ORMDL1: variants seen among roughly 807,000 people sequenced by gnomAD.
ORMDL1 encodes ORMDL sphingolipid biosynthesis regulator 1, also known as ORM1-like protein 1.
In ORMDL1, 10 loss-of-function variants were observed where a neutral mutation model predicts 13.0. That is an observed-to-expected ratio of 0.77 (90% CI 0.47 to 1.30). The LOEUF (loss-of-function observed/expected upper bound fraction) is 1.30, where lower values mean the gene tolerates loss of function less well. Ranked by LOEUF, ORMDL1 falls within the 50% of genes most tolerant of loss-of-function variation. The pLI is 0.00. For synonymous variants in ORMDL1, 61 were observed against 63.9 expected, an observed-to-expected ratio of 0.95 and a Z score of 0.22; for missense variants, 171 against 186.7, an observed-to-expected ratio of 0.92 and a Z score of 0.49.
chr2:189,771,953 T>C (rs775855574), intron 4 of ORMDL1, 51 bp from the exon 5 acceptor site: 14 of 1,338,042 alleles, frequency 1.0e-5, no homozygotes, highest in African/African-American at 4.6e-5. Context: ...ATAAAATTAC[T>C]TGGAACTTAA....
At chr2:189,765,839 ATTTT>A (rs72132150), downstream of ORMDL1, among the ~76,000 whole-genome samples, 1 of 106,748 alleles carries the variant, frequency 9.4e-6, no homozygotes, top group Non-Finnish European at 1.8e-5. Flanking sequence ...TACTTTCTCC[ATTTT>A]TTTTTTTTTT....
chr2:189,771,687 GA>G lies in ORMDL1; in HGVS notation c.*79del. 2 of 1,237,964 alleles carry G rather than the reference GA, an allele frequency of 1.6e-6. No homozygotes were observed. The highest frequency in any genetic ancestry group is 2.2e-6 in the Non-Finnish European group (2 of 903,098). 76.7% of individuals were successfully genotyped at this position (1,237,964 alleles called of 1,614,324 possible). A position where few individuals can be genotyped will look rare whatever the true frequency, so the allele number is the denominator to read the frequency against. ...ATACTTCTCATTTCACATTATCACA[GA>G]AACAGTGCAGTTTACTAACCACTCC... is the stretch of plus-strand genomic sequence containing the variant. On this transcript the variant is annotated 3_prime_UTR_variant, in exon 5 of 5. Coordinates refer to ENST00000392349, the MANE Select transcript of ORMDL1 (RefSeq NM_016467.5).
chr2:189,772,376 A>T (rs1186744289), intron 4 of ORMDL1, among the ~76,000 whole-genome samples: 2 of 152,334 alleles, frequency 1.3e-5, no homozygotes, highest in African/African-American at 4.8e-5. Context: ...GAAGGAAATA[A>T]ATATTTGGTT....
At position 189,782,614 on chromosome 2, in the gene ORMDL1, A is replaced by G; in HGVS notation, c.-7-12T>C. 4 of 1,609,410 alleles carry G rather than the reference A, an allele frequency of 2.5e-6. No individual in the cohort carries two copies. Among genetic ancestry groups the G allele is most frequent in the Non-Finnish European group, 3.4e-6 (4 of 1,176,358 alleles). Reference sequence around the variant, plus strand: ...CGTTCATGTTTGCTCTGTAGGAAGTAATGAAATGAATCAACACTGATACAA... The same window carrying G: ...CGTTCATGTTTGCTCTGTAGGAAGTGATGAAATGAATCAACACTGATACAA... On this transcript the variant is annotated splice_polypyrimidine_tract_variant and intron_variant, in intron 2 of 4. Transcript: ENST00000392349.
intron 4 of ORMDL1, chr2:189,775,277 T>C (rs1342385891): frequency 4.0e-6 from 1 of 248,750 alleles, no homozygotes; most frequent in Non-Finnish European, 7.6e-6. Flanking sequence ...TTTGTGTCCT[T>C]ATATGAAACC....
Position 189,782,460 on chromosome 2 carries a change from G to T in ORMDL1, c.136C>A (p.Pro46Thr). ...VLLSIPFFSV[P>T]VAWTLTNIIH... ...ATATTTGTTAAAGTCCAAGCAACAG[G>T]AACACTGAAGAAGGGAATGCTGAGT... is the stretch of plus-strand genomic sequence containing the variant. The change falls in exon 3 of 5, where the codon CCT (proline) becomes ACT (threonine). Residue 46 changes from proline (P) to threonine (T), a missense_variant. Transcript: ENST00000392349. 6.2e-7 allele frequency: 1 copy of T among 1,614,026 alleles called. No homozygotes were observed. Among genetic ancestry groups the T allele is most frequent in the East Asian group, 2.2e-5 (1 of 44,876 alleles).
intron 3 of ORMDL1, among the ~76,000 whole-genome samples, chr2:189,776,583 T>C (rs2047702209): frequency 6.6e-6 from 1 of 152,182 alleles, no homozygotes; most frequent in Non-Finnish European, 1.5e-5. Flanking sequence ...CAATGTGATG[T>C]CATTTTTCCT....
At chr2:189,777,935 C>G (rs1009333897) in intron 3 of ORMDL1, among the ~76,000 whole-genome samples, 1 of 152,128 alleles carries the variant, frequency 6.6e-6, no homozygotes, top group Admixed American at 6.6e-5. Context: ...TGGCTATATT[C>G]AAAGGAAACT....
chr2:189,769,636 C>T (rs2047538598), downstream of ORMDL1, among the ~76,000 whole-genome samples: 1 of 151,946 alleles, frequency 6.6e-6, no homozygotes, highest in Non-Finnish European at 1.5e-5. Context: ...AGCTGGAGGA[C>T]AATTTGAGCA....
chr2:189,781,193 G>A (rs796871425), intron 3 of ORMDL1, among the ~76,000 whole-genome samples: 7 of 152,118 alleles, frequency 4.6e-5, no homozygotes, highest in African/African-American at 1.4e-4. Flanking sequence ...AAAGCACTGG[G>A]ATTACAGGCA....
chr2:189,775,595 C>T lies in ORMDL1; in HGVS notation c.296G>A (p.Arg99Gln), dbSNP rs781542210. The change falls in exon 4 of 5, where the codon CGG becomes CAG. Residue 99 changes from arginine (R) to glutamine (Q), a missense_variant. Physicochemically the swap from Arg to Gln is conservative, Grantham distance 43. Transcript: ENST00000392349. ...TATTGGAGAAATTGTGAAAAACTTC[C>T]GTGAAGATGTAAACTGTACTCCATA... ...LDYGVQFTSS[R>Q]KFFTISPIIL... 61 of 1,605,914 alleles carry T rather than the reference C, an allele frequency of 3.8e-5. No homozygotes were observed. Among genetic ancestry groups the T allele is most frequent in the Admixed American group, 3.4e-5 (2 of 58,738 alleles).
At chr2:189,769,213 TC>T (rs1553546772), downstream of ORMDL1, among the ~76,000 whole-genome samples, 1 of 151,754 alleles carries the variant, frequency 6.6e-6, no homozygotes, top group Non-Finnish European at 1.5e-5. Context: ...CATGGTGAAA[TC>T]CCATCTCTAC....
the ORMDL1 span, chr2:189,764,858 G>A: frequency 6.6e-6 from 1 of 150,518 alleles, no homozygotes; most frequent in African/African-American, 2.4e-5. Flanking sequence ...TTTTTAGATG[G>A]AGTCTCACTC....
At chr2:189,773,286 A>T (rs1313213276) in intron 4 of ORMDL1, among the ~76,000 whole-genome samples, 1 of 152,196 alleles carries the variant, frequency 6.6e-6, no homozygotes, top group Non-Finnish European at 1.5e-5. Context: ...CCCAGGTGGG[A>T]CTCAGTGTGA....
chr2:189,778,418 G>A (rs923812030), intron 3 of ORMDL1: 28 of 455,100 alleles, frequency 6.2e-5, no homozygotes, highest in African/African-American at 4.0e-5. Flanking sequence ...TAACTTATTC[G>A]GCAAACATTT....
At chr2:189,766,813 AT>A (rs1223948072), downstream of ORMDL1, among the ~76,000 whole-genome samples, 1 of 152,120 alleles carries the variant, frequency 6.6e-6, no homozygotes, top group Non-Finnish European at 1.5e-5. Flanking sequence ...TCCACTTTAA[AT>A]TTGATTATTC....
chr2:189,771,689 A>G lies in ORMDL1; in HGVS notation c.*78T>C. Reference sequence around the variant, plus strand: ...ACTTCTCATTTCACATTATCACAGAAACAGTGCAGTTTACTAACCACTCCT... The same window carrying G: ...ACTTCTCATTTCACATTATCACAGAGACAGTGCAGTTTACTAACCACTCCT... On this transcript the variant is annotated 3_prime_UTR_variant, in exon 5 of 5. Transcript: ENST00000392349. 8.0e-7 allele frequency: 1 copy of G among 1,255,550 alleles called. No homozygotes were observed. The highest frequency in any genetic ancestry group is 1.1e-6 in the Non-Finnish European group (1 of 914,566). The allele number at this position is 1,255,550 out of a possible 1,614,324, so 77.8% of individuals were successfully genotyped here. A position where few individuals can be genotyped will look rare whatever the true frequency, so the allele number is the denominator to read the frequency against.
downstream of ORMDL1, among the ~76,000 whole-genome samples, chr2:189,770,051 C>T (rs1466683828): frequency 1.3e-5 from 2 of 152,148 alleles, no homozygotes; most frequent in Non-Finnish European, 2.9e-5. Flanking sequence ...CAATACCTAA[C>T]ATAATTCCTG....
intron 3 of ORMDL1, among the ~76,000 whole-genome samples, chr2:189,779,793 G>A (rs1411145433): frequency 4.6e-5 from 7 of 152,206 alleles, no homozygotes; most frequent in Non-Finnish European, 7.4e-5. Context: ...GGATCAAGTT[G>A]AGAGTAAAGC....
Sources: allele counts gnomAD v4.1 joint callset (sites outside exome capture counted in the v4.1 genomes callset), GRCh38; gene constraint gnomAD v4.1.1; transcripts MANE v1.5; gene names NCBI Gene and HGNC (gene_info 2026-07-23, HGNC 2026-07-21).